CALM2: variants seen among roughly 807,000 people sequenced by gnomAD.
The protein encoded by CALM2 is calmodulin-2.
Under a neutral mutation model 19.8 loss-of-function variants are expected in CALM2, and 2 were observed. That is an observed-to-expected ratio of 0.10 (90% confidence interval 0.04 to 0.32). CALM2 has a LOEUF of 0.32. Ranked by LOEUF, CALM2 falls within the 10% of genes least tolerant of loss-of-function variation. The pLI, the probability that CALM2 is intolerant of heterozygous loss-of-function variation, is 1.00. For synonymous variants in CALM2, 51 were observed against 52.1 expected (o/e 0.98, Z 0.09); for missense variants, 38 against 178.7 (o/e 0.21, Z 4.49).
At position 47,167,814 on chromosome 2, in the gene CALM2, C is replaced by CTTTTCTTTTTTTTTTTTTTTTTTTTTTT; in HGVS notation, c.34+2919_34+2920insAAAAAAAAAAAAAAAAAAAAAAAGAAAA. ...AAAAAAAAAAATTTTTTTTTCTTTT[C>CTTTTCTTTTTTTTTTTTTTTTTTTTTTT]TTTGAGACAGGGTCTTGCTGTGTTG... is the stretch of plus-strand genomic sequence containing the variant. On this transcript the variant is annotated intron_variant, in intron 2 of 5. Transcript: ENST00000272298. 22 of 96,480 alleles carry CTTTTCTTTTTTTTTTTTTTTTTTTTTTT rather than the reference C, an allele frequency of 2.3e-4. 1 individual carries two copies. The highest frequency in any genetic ancestry group is 1.2e-3 in the African/African-American group (21 of 17,922). The allele number at this position is 96,480 out of a possible 1,614,324, so 6.0% of individuals were successfully genotyped here.
chr2:47,170,135 A>C (rs186419894), intron 2 of CALM2, among the ~76,000 whole-genome samples: 2 of 152,322 alleles, frequency 1.3e-5, no homozygotes, highest in Admixed American at 6.5e-5. Context: ...TTCCATAGCA[A>C]ACTAAAAGGG....
At chr2:47,176,537 C>G (rs781328493), upstream of CALM2, 1 of 1,576,888 alleles carries the variant, frequency 6.3e-7, no homozygotes, top group African/African-American at 1.4e-5. Context: ...CCCCCAGCGC[C>G]TCATAAACAC....
intron 2 of CALM2, chr2:47,163,905 C>G (rs1432628742): frequency 6.6e-6 from 1 of 151,930 alleles, no homozygotes; most frequent in Non-Finnish European, 1.5e-5. Flanking sequence ...ACTGCCTGAG[C>G]TCAGGGTGAG....
chr2:47,176,738 G>A (rs972311547), upstream of CALM2: 1 of 1,374,312 alleles, frequency 7.3e-7, no homozygotes, highest in Non-Finnish European at 9.4e-7. Flanking sequence ...GCCGTTAAAA[G>A]GCCGGTGGAG....
chr2:47,170,923 T>C (rs1392026978), intron 1 of CALM2, 159 bp from the exon 2 acceptor site: 1 of 659,236 alleles, frequency 1.5e-6, no homozygotes, highest in Non-Finnish European at 2.8e-6. Flanking sequence ...TAGTTTCTCT[T>C]ATCTTCAAAG....
intron 1 of CALM2, chr2:47,174,082 A>T (rs72810438): frequency 6.6e-6 from 1 of 152,160 alleles, no homozygotes; most frequent in Non-Finnish European, 1.5e-5. Context: ...AAGTGACAAA[A>T]ATTTTCTACC....
At chr2:47,162,904 CT>C in intron 2 of CALM2, 1 of 388,044 alleles carries the variant, frequency 2.6e-6, no homozygotes, top group South Asian at 4.9e-5. Flanking sequence ...ATTAACCAAT[CT>C]TTATGATACC....
In CALM2 at chr2:47,160,571, T is replaced by C; in HGVS notation, c.*205A>G. ...TATCCAGAGTAAGCCACATGCAACATGTTACTTGATCAATTTTCTAAAATA... is the reference window on the plus strand; with the variant it reads ...TATCCAGAGTAAGCCACATGCAACACGTTACTTGATCAATTTTCTAAAATA... On this transcript the variant is annotated 3_prime_UTR_variant, in exon 6 of 6. Transcript: ENST00000272298. The C allele has an allele frequency of 2.2e-6, 1 of 452,638 alleles. No individual in the cohort carries two copies. Among genetic ancestry groups the C allele is most frequent in the Non-Finnish European group, 4.0e-6 (1 of 249,672 alleles). The allele number at this position is 452,638 out of a possible 1,614,324, so 28.0% of individuals were successfully genotyped here. A position where few individuals can be genotyped will look rare whatever the true frequency, so the allele number is the denominator to read the frequency against.
chr2:47,175,690 C>G (rs1666836188), intron 1 of CALM2, among the ~76,000 whole-genome samples: 1 of 151,024 alleles, frequency 6.6e-6, no homozygotes, highest in Non-Finnish European at 1.5e-5. Context: ...CCCCCTCCCC[C>G]GCCCATCCCC....
In CALM2 at chr2:47,176,156, A is replaced by T. The variant is rs140958501; in HGVS notation, c.3+285T>A. The T allele has an allele frequency of 4.3e-4, 206 of 473,616 alleles. 2 individuals carry two copies. The highest frequency in any genetic ancestry group is 3.6e-3 in the African/African-American group (184 of 50,578). 29.3% of individuals were successfully genotyped at this position (473,616 alleles called of 1,614,324 possible). A position where few individuals can be genotyped will look rare whatever the true frequency, so the allele number is the denominator to read the frequency against. On this transcript the variant is annotated intron_variant, in intron 1 of 5. Coordinates refer to ENST00000272298, the MANE Select transcript of CALM2 (RefSeq NM_001743.6). ...CTTCCCGTGCACTGGGCTGTCCCTC[A>T]TCCCGGACCCATCCTCCTCCAGCCA...
In CALM2 at chr2:47,170,840, C is replaced by G. The variant is rs999445801; in HGVS notation, c.4-76G>C. ...GCAGTTACAGAAACAAGTTTAAAAC[C>G]TTTCAAGGGTTACCATGTACTGTTT... is the stretch of plus-strand genomic sequence containing the variant. On this transcript the variant is annotated intron_variant, in intron 1 of 5. Coordinates refer to ENST00000272298, the MANE Select transcript of CALM2 (RefSeq NM_001743.6). The G allele has an allele frequency of 1.1e-5, 13 of 1,155,934 alleles. No homozygotes were observed. In the African/African-American group the frequency reaches 1.7e-4, roughly 15 times the overall value. 71.6% of individuals were successfully genotyped at this position (1,155,934 alleles called of 1,614,324 possible).
At chr2:47,161,624 T>A in intron 5 of CALM2, 99 bp downstream of exon 5, 1 of 1,098,566 alleles carries the variant, frequency 9.1e-7, no homozygotes. Flanking sequence ...GCAACCTAAT[T>A]TCAGGGGAAG....
chr2:47,166,452 C>T (rs373538720), intron 2 of CALM2, among the ~76,000 whole-genome samples: 12 of 151,984 alleles, frequency 7.9e-5, no homozygotes, highest in African/African-American at 2.9e-4. Flanking sequence ...GTATAACTTT[C>T]GAGAAATTTA....
At chr2:47,175,353 A>T (rs558247019) in intron 1 of CALM2, among the ~76,000 whole-genome samples, 33 of 152,206 alleles carry the variant, frequency 2.2e-4, no homozygotes, top group Admixed American at 1.7e-3. Flanking sequence ...CAAGCATAGA[A>T]TAGGGACAGG....
At chr2:47,172,807 T>TGGGG (rs56098000) in intron 1 of CALM2, 15 of 36,732 alleles carry the variant, frequency 4.1e-4, no homozygotes, top group East Asian at 1.9e-3. Flanking sequence ...CTACATGGGT[T>TGGGG]GGGGGGGGGG....
intron 2 of CALM2, among the ~76,000 whole-genome samples, chr2:47,165,925 T>A (rs985093245): frequency 1.3e-5 from 2 of 152,212 alleles, no homozygotes; most frequent in African/African-American, 4.8e-5. Flanking sequence ...TTCCTCCATC[T>A]CTACAACCAG....
At chr2:47,162,106 T>G (rs935025576) in intron 4 of CALM2, among the ~76,000 whole-genome samples, 180 bp downstream of exon 4, 1 of 136,704 alleles carries the variant, frequency 7.3e-6, no homozygotes, top group Non-Finnish European at 1.5e-5. Context: ...ATACATATAT[T>G]AGAAAGTCTA....
intron 3 of CALM2, 38 bp from the exon 4 acceptor site, chr2:47,162,430 A>G: frequency 6.2e-7 from 1 of 1,604,702 alleles, no homozygotes; most frequent in Non-Finnish European, 8.5e-7. Flanking sequence ...GCTTTAGTGG[A>G]AACATATAAG....
chr2:47,163,463 G>A (rs1341061068), intron 2 of CALM2: 4 of 148,920 alleles, frequency 2.7e-5, no homozygotes, highest in African/African-American at 9.9e-5. Context: ...ATGGACTTTC[G>A]CTCTTGTTGT....
Sources: allele counts gnomAD v4.1 joint callset (sites outside exome capture counted in the v4.1 genomes callset), GRCh38; gene constraint gnomAD v4.1.1; transcripts MANE v1.5; gene names NCBI Gene and HGNC (gene_info 2026-07-23, HGNC 2026-07-21).